Variants in MAGEB10 observed in about 807,000 individuals in gnomAD.
MAGEB10 encodes the protein MAGE family member B10.
For synonymous variants in MAGEB10, 99 were observed against 101.0 expected, an observed-to-expected ratio of 0.98 and a Z score of 0.12; for missense variants, 190 against 261.9, an observed-to-expected ratio of 0.73 and a Z score of 1.89.
Position 27,821,502 on chromosome X carries a change from G to A in MAGEB10, c.196G>A (p.Glu66Lys), listed in dbSNP as rs1241334948. 8.3e-7 allele frequency: 1 copy of A among 1,209,083 alleles called. No homozygotes were observed. Among genetic ancestry groups the A allele is most frequent in the Admixed American group, 2.2e-5 (1 of 45,632 alleles). ...GASNNPHGLR[E>K]AQSTSTSATA... Reference sequence around the variant, plus strand: ...ATCCAACAATCCCCATGGACTTCGGGAAGCCCAATCCACCAGCACATCTGC... The same window carrying A: ...ATCCAACAATCCCCATGGACTTCGGAAAGCCCAATCCACCAGCACATCTGC... Residue 66 changes from glutamate (E) to lysine (K), a missense_variant, in exon 3 of 3, where the codon GAA (glutamate) becomes AAA (lysine). Transcript: ENST00000356790.
At chrX:27,815,412 C>T (rs1923765781) in intron 1 of MAGEB10, among the ~76,000 whole-genome samples, 1 of 112,171 alleles carries the variant, frequency 8.9e-6, no homozygotes, top group African/African-American at 3.2e-5. Context: ...AATTCCACCA[C>T]ACTCAAGATT....
chrX:27,816,308 A>T (rs1923783267), intron 1 of MAGEB10, among the ~76,000 whole-genome samples: 1 of 111,927 alleles, frequency 8.9e-6, no homozygotes, highest in Non-Finnish European at 1.9e-5. Flanking sequence ...AGGAATGAGG[A>T]TATGTGAATC....
At chrX:27,814,262 G>A (rs1204767724) in intron 1 of MAGEB10, among the ~76,000 whole-genome samples, 1 of 110,974 alleles carries the variant, frequency 9.0e-6, no homozygotes, top group African/African-American at 3.3e-5. Context: ...TTTTTATTAG[G>A]TTGTCTTTAG....
At chrX:27,819,720 C>T (rs191630347) in intron 2 of MAGEB10, among the ~76,000 whole-genome samples, 1 of 111,348 alleles carries the variant, frequency 9.0e-6, no homozygotes, top group Non-Finnish European at 1.9e-5. Context: ...ATATTTGAGG[C>T]AACTATCCAC....
chrX:27,811,640 A>G (rs1049800789), intron 1 of MAGEB10, among the ~76,000 whole-genome samples: 1 of 112,281 alleles, frequency 8.9e-6, no homozygotes, highest in Non-Finnish European at 1.9e-5. Context: ...GATGCAGGTA[A>G]TACTGGCAGG....
At position 27,822,637 on chromosome X, in the gene MAGEB10, C is replaced by A; in HGVS notation, c.*287C>A. The A allele has an allele frequency of 3.2e-6, 1 of 316,954 alleles. No homozygotes were observed. The highest frequency in any genetic ancestry group is 5.6e-5 in the Admixed American group (1 of 17,889). The allele number at this position is 316,954 out of a possible 1,213,427, so 26.1% of individuals were successfully genotyped here. A position where few individuals can be genotyped will look rare whatever the true frequency, so the allele number is the denominator to read the frequency against. On this transcript the variant is annotated 3_prime_UTR_variant, in exon 3 of 3. Transcript: ENST00000356790. ...GGAAACTCTCCATTTATTTAGTGAT[C>A]GAAACACGATAGCATGGTAGTAAAT...
intron 1 of MAGEB10, among the ~76,000 whole-genome samples, chrX:27,815,731 A>G (rs934248231): frequency 3.6e-5 from 4 of 112,267 alleles, no homozygotes; most frequent in East Asian, 2.8e-4. Context: ...GTAGATTTCT[A>G]TGCTGACATA....
At chrX:27,814,056 A>C (rs1454395338) in intron 1 of MAGEB10, among the ~76,000 whole-genome samples, 1 of 111,244 alleles carries the variant, frequency 9.0e-6, no homozygotes, top group Non-Finnish European at 1.9e-5. Context: ...AGCCCACTAA[A>C]CCCACTTAAT....
intron 1 of MAGEB10, among the ~76,000 whole-genome samples, chrX:27,813,152 T>C (rs1163941854): frequency 8.9e-6 from 1 of 112,327 alleles, no homozygotes; most frequent in Non-Finnish European, 1.9e-5. Context: ...GAGTAGAGTT[T>C]TACTATTTTA....
chrX:27,813,560 C>G (rs2147393569), intron 1 of MAGEB10, among the ~76,000 whole-genome samples: 1 of 111,758 alleles, frequency 8.9e-6, no homozygotes, highest in African/African-American at 3.3e-5. Context: ...AGTCTAAGAG[C>G]AGCTGTCATG....
At chrX:27,817,417 C>A (rs1200826827) in intron 1 of MAGEB10, 137 bp from the exon 2 acceptor site, 2 of 111,116 alleles carry the variant, frequency 1.8e-5, no homozygotes, top group Admixed American at 1.9e-4. Flanking sequence ...TTTTTTAAAT[C>A]CTGCATGTAG....
intron 1 of MAGEB10, among the ~76,000 whole-genome samples, chrX:27,814,657 T>C (rs910428253): frequency 9.0e-6 from 1 of 111,709 alleles, no homozygotes; most frequent in African/African-American, 3.3e-5. Context: ...TAGGCACTTT[T>C]CCCAGAGTTT....
intron 1 of MAGEB10, among the ~76,000 whole-genome samples, chrX:27,814,647 T>G (rs1369994010): frequency 1.8e-5 from 2 of 111,549 alleles, no homozygotes; most frequent in Non-Finnish European, 3.8e-5. Flanking sequence ...CAATAAATAA[T>G]AGGCACTTTT....
Position 27,822,300 on chromosome X carries a change from G to A in MAGEB10, c.994G>A (p.Ala332Thr). 1 of 1,211,394 alleles carries A rather than the reference G, an allele frequency of 8.3e-7. No homozygotes were observed. The highest frequency in any genetic ancestry group is 1.1e-6 in the Non-Finnish European group (1 of 895,422). Reference sequence around the variant, plus strand: ...AGCCAAGGCTCGCGTTAGTGCCACAGCCGGTGCACGTTCCAAGGTTAAGTC... The same window carrying A: ...AGCCAAGGCTCGCGTTAGTGCCACAACCGGTGCACGTTCCAAGGTTAAGTC... ...VAAKARVSAT[A>T]GARSKVKSSK... The change falls in exon 3 of 3, where the codon GCC becomes ACC. Residue 332 changes from alanine to threonine, a missense_variant. Physicochemically the swap from Ala to Thr is moderately conservative, Grantham distance 58. Transcript: ENST00000356790.
At chrX:27,808,820 C>G (rs1785563222) in intron 1 of MAGEB10, among the ~76,000 whole-genome samples, 2 of 111,875 alleles carry the variant, frequency 1.8e-5, no homozygotes, top group Admixed American at 1.9e-4. Flanking sequence ...GGACCGGTCC[C>G]CACAGAGCCC....
intron 2 of MAGEB10, among the ~76,000 whole-genome samples, chrX:27,819,719 G>A (rs1923846832): frequency 1.8e-5 from 2 of 111,269 alleles, no homozygotes; most frequent in South Asian, 7.6e-4. Context: ...AATATTTGAG[G>A]CAACTATCCA....
chrX:27,814,041 A>G (rs1428072372), intron 1 of MAGEB10, among the ~76,000 whole-genome samples: 1 of 111,442 alleles, frequency 9.0e-6, no homozygotes, highest in Non-Finnish European at 1.9e-5. Context: ...CCTGGGAGAA[A>G]CAAGAGCCCA....
chrX:27,808,934 G>T (rs984799860), intron 1 of MAGEB10, among the ~76,000 whole-genome samples: 3 of 112,444 alleles, frequency 2.7e-5, no homozygotes, highest in Non-Finnish European at 5.6e-5. Context: ...GTCTGCCTCG[G>T]GCAGCAGGGG....
rs779516744 is a variant in MAGEB10, at chrX:27,808,732, C to T, written c.-199+696C>T. Among the ~76,000 whole-genome samples the T allele has an allele frequency of 4.5e-5, 5 of 111,769 alleles. No individual in the cohort carries two copies. In the East Asian group the frequency reaches 1.4e-3, roughly 32 times the overall value. Reference sequence around the variant, plus strand: ...ATTGGACTAAGGTGTTGGCATCAAGCCACCTGAGATAAGGGTCTTAGAACC... The same window carrying T: ...ATTGGACTAAGGTGTTGGCATCAAGTCACCTGAGATAAGGGTCTTAGAACC... On this transcript the variant is annotated intron_variant, in intron 1 of 2. Transcript: ENST00000356790.
Sources: gnomAD v4.1 joint callset for allele counts (sites outside exome capture counted in the v4.1 genomes callset) on GRCh38, gnomAD v4.1.1 for gene constraint, MANE v1.5 for transcripts, NCBI Gene and HGNC (gene_info 2026-07-23, HGNC 2026-07-21) for gene names.